Variants in SLC22A23 observed in about 807,000 individuals in gnomAD.
The protein encoded by SLC22A23 is ion transporter protein.
Under a neutral mutation model 61.0 loss-of-function variants are expected in SLC22A23, and 26 were observed. That is an observed-to-expected ratio of 0.43 (90% CI 0.31 to 0.59). The LOEUF is 0.59. Ranked by LOEUF, SLC22A23 falls within the 20% of genes least tolerant of loss-of-function variation. The pLI is 0.11. For missense variants in SLC22A23, 796 were observed against 934.7 expected, an observed-to-expected ratio of 0.85 and a Z score of 1.94; for synonymous variants, 430 against 413.9, an observed-to-expected ratio of 1.04 and a Z score of -0.47.
intron 9 of SLC22A23, among the ~76,000 whole-genome samples, chr6:3,279,492 A>T (rs1486163805): frequency 8.7e-6 from 1 of 115,062 alleles, no homozygotes; most frequent in Non-Finnish European, 1.8e-5. Flanking sequence ...GCCTGGCAAC[A>T]GAGCAAGGCT....
intron 3 of SLC22A23, among the ~76,000 whole-genome samples, chr6:3,367,645 G>A (rs961841916): frequency 3.3e-5 from 5 of 152,192 alleles, no homozygotes; most frequent in African/African-American, 1.2e-4. Flanking sequence ...CGTAAGTTAG[G>A]TTGCCCAAAG....
intron 3 of SLC22A23, among the ~76,000 whole-genome samples, chr6:3,403,610 C>T (rs1768586948): frequency 6.6e-6 from 1 of 152,124 alleles, no homozygotes; most frequent in Non-Finnish European, 1.5e-5. Flanking sequence ...GATGGAAGTC[C>T]AACAACACTA....
At chr6:3,331,251 C>T (rs531256369) in intron 3 of SLC22A23, among the ~76,000 whole-genome samples, 2 of 152,318 alleles carry the variant, frequency 1.3e-5, no homozygotes, top group African/African-American at 4.8e-5. Flanking sequence ...GTATGGCCTC[C>T]TCTGTGCCCC....
chr6:3,452,045 GTGAGA>G (rs1321685799), intron 1 of SLC22A23, among the ~76,000 whole-genome samples: 1 of 152,184 alleles, frequency 6.6e-6, no homozygotes, highest in Non-Finnish European at 1.5e-5. Context: ...CAGACTTTGT[GTGAGA>G]TGATTCTGCC....
chr6:3,293,486 C>T lies in SLC22A23; in HGVS notation c.1211-3620G>A, dbSNP rs552535137. Among the ~76,000 whole-genome samples the T allele has an allele frequency of 3.3e-5, 5 of 152,250 alleles. No individual in the cohort carries two copies. In the South Asian group the frequency reaches 8.3e-4, roughly 25 times the overall value. Reference sequence around the variant, plus strand: ...TGCTTGAAAGCAAGTGGAAGATAAGCGTCCACAGGAGTCTTATCACGAAGT... The same window carrying T: ...TGCTTGAAAGCAAGTGGAAGATAAGTGTCCACAGGAGTCTTATCACGAAGT... On this transcript the variant is annotated intron_variant, in intron 5 of 9. Coordinates refer to ENST00000406686, the MANE Select transcript of SLC22A23 (RefSeq NM_015482.2).
At chr6:3,361,786 T>C in intron 3 of SLC22A23, among the ~76,000 whole-genome samples, 1 of 152,224 alleles carries the variant, frequency 6.6e-6, no homozygotes, top group South Asian at 2.1e-4. Context: ...TGAGGCCATC[T>C]CAACAGATCG....
chr6:3,453,913 A>G (rs1417575858), intron 1 of SLC22A23, among the ~76,000 whole-genome samples: 1 of 152,188 alleles, frequency 6.6e-6, no homozygotes, highest in African/African-American at 2.4e-5. Flanking sequence ...TGCATCTGAT[A>G]CAGTATTCAA....
intron 2 of SLC22A23, 100 bp downstream of exon 2, chr6:3,415,650 GAA>G: frequency 2.4e-6 from 2 of 821,524 alleles, no homozygotes; most frequent in Non-Finnish European, 3.9e-6. Context: ...CTGGCACTGG[GAA>G]AAGACAGTCA....
At position 3,272,929 on chromosome 6, in the gene SLC22A23, C is replaced by A; in HGVS notation, c.*126G>T. The A allele has an allele frequency of 1.2e-6, 1 of 844,234 alleles. No homozygotes were observed. The highest frequency in any genetic ancestry group is 1.8e-6 in the Non-Finnish European group (1 of 549,492). The allele number at this position is 844,234 out of a possible 1,614,324, so 52.3% of individuals were successfully genotyped here. On this transcript the variant is annotated 3_prime_UTR_variant, in exon 10 of 10. Transcript: ENST00000406686. The stretch of plus-strand genomic sequence containing the variant: ...CTTTTGGAAAGACAGGATTTCCCCA[C>A]ACCAGTTGAGAGGCTCAGCTTGGCT...
At chr6:3,396,083 C>T (rs1561950173) in intron 3 of SLC22A23, among the ~76,000 whole-genome samples, 2 of 152,190 alleles carry the variant, frequency 1.3e-5, no homozygotes, top group Non-Finnish European at 2.9e-5. Context: ...TAGAGCCAGG[C>T]GGACTTGGGA....
chr6:3,394,541 G>C (rs565179870), intron 3 of SLC22A23, among the ~76,000 whole-genome samples: 3 of 152,298 alleles, frequency 2.0e-5, no homozygotes, highest in East Asian at 3.9e-4. Flanking sequence ...GCATCAAAGA[G>C]GAAATTATCA....
In SLC22A23 at chr6:3,370,816, G is replaced by A. The variant is rs531304682; in HGVS notation, c.913+39372C>T. On this transcript the variant is annotated intron_variant, in intron 3 of 9. Transcript: ENST00000406686. ...GGACATCACGACTCACTTCTCTGCA[G>A]ACCTGCAGCAGGGACTATTAAGTGT... 3.9e-5 allele frequency among the ~76,000 whole-genome samples: 6 copies of A among 152,344 alleles called. No individual in the cohort carries two copies. The East Asian group carries it at 1.2e-3, about 29-fold the overall frequency.
At chr6:3,370,610 C>G (rs761106217) in intron 3 of SLC22A23, among the ~76,000 whole-genome samples, 33 of 152,412 alleles carry the variant, frequency 2.2e-4, no homozygotes, top group Admixed American at 5.9e-4. Flanking sequence ...TGCCTCTCAC[C>G]TGACTCAGGT....
chr6:3,413,357 T>C (rs1397392947), intron 2 of SLC22A23, among the ~76,000 whole-genome samples: 3 of 152,186 alleles, frequency 2.0e-5, no homozygotes, highest in African/African-American at 7.2e-5. Flanking sequence ...TCTTCTCCCC[T>C]GAGGATCTAC....
rs953693839 is a variant in SLC22A23 at position 3,269,872 on chromosome 6, G to A, written c.*3183C>T. 1 of 152,816 alleles carries A rather than the reference G, an allele frequency of 6.5e-6. No homozygotes were observed. The highest frequency in any genetic ancestry group is 2.4e-5 in the African/African-American group (1 of 41,452). 9.5% of individuals were successfully genotyped at this position (152,816 alleles called of 1,614,324 possible). On this transcript the variant is annotated 3_prime_UTR_variant, in exon 10 of 10. Transcript: ENST00000406686. ...GATTGCTCATTTGGCTCTAGGAAGC[G>A]GTGGTGTCTGAGTGTGATACTTCCC...
In SLC22A23 at chr6:3,322,737, A is replaced by G. The variant is rs73354739; in HGVS notation, c.1082+1097T>C. Among the ~76,000 whole-genome samples the G allele has an allele frequency of 1.0e-2, 1,518 of 152,268 alleles. 30 individuals carry two copies. The highest frequency in any genetic ancestry group is 0.035 in the African/African-American group (1,451 of 41,546). ...GGCGGGGGGCAGTACCACTAAGCCA[A>G]AAGGTAGGTGCTTTCTTCCCTCCCG... On this transcript the variant is annotated intron_variant, in intron 4 of 9. Transcript: ENST00000406686. This position sits in a 1 kb window ranked among gnomAD's most constrained non-coding sequence, Gnocchi z 4.1.
At chr6:3,403,783 G>A (rs988369404) in intron 3 of SLC22A23, among the ~76,000 whole-genome samples, 4 of 152,200 alleles carry the variant, frequency 2.6e-5, no homozygotes, top group East Asian at 1.9e-4. Flanking sequence ...TTACGTTGAA[G>A]CTCAATAGTT....
chr6:3,434,486 G>T (rs1025040589), intron 1 of SLC22A23, among the ~76,000 whole-genome samples: 1 of 151,914 alleles, frequency 6.6e-6, no homozygotes, highest in Non-Finnish European at 1.5e-5. Flanking sequence ...GTACCCGCCT[G>T]TAGTCCCAGC....
chr6:3,286,822 C>T lies in SLC22A23; in HGVS notation c.1546+37G>A, dbSNP rs1561867141. ...ATGCCCTTGGGGATCTGCCAGCTTC[C>T]CTCCCTGCACCCAGCCCACCTCCCC... On this transcript the variant is annotated intron_variant, in intron 7 of 9. Coordinates refer to ENST00000406686, the MANE Select transcript of SLC22A23 (RefSeq NM_015482.2). The surrounding 1 kb of genome is among the most constrained non-coding windows in gnomAD (Gnocchi z 4.2). The T allele has an allele frequency of 1.3e-6, 2 of 1,531,844 alleles. No individual in the cohort carries two copies. The highest frequency in any genetic ancestry group is 8.9e-7 in the Non-Finnish European group (1 of 1,128,126). 94.9% of individuals were successfully genotyped at this position (1,531,844 alleles called of 1,614,324 possible).
Sources: allele counts gnomAD v4.1 joint callset (sites outside exome capture counted in the v4.1 genomes callset), GRCh38; gene constraint gnomAD v4.1.1; non-coding constraint Gnocchi (gnomAD v3.1); transcripts MANE v1.5; gene names NCBI Gene and HGNC (gene_info 2026-07-23, HGNC 2026-07-21).